The following GMPS variants were observed in gnomAD, a reference collection of about 807,000 sequenced individuals.
GMPS encodes the protein GMP synthase [glutamine-hydrolyzing].
Under a neutral mutation model 77.9 loss-of-function variants are expected in GMPS, and 15 were observed. The observed-to-expected ratio is 0.19, with a 90% CI of 0.13 to 0.30. The LOEUF (loss-of-function observed/expected upper bound fraction) is 0.30. Among genes scored for constraint, GMPS ranks in the 10% least tolerant of loss-of-function variants. The probability of loss-of-function intolerance (pLI) is 1.00; values close to 1 mark genes in which losing one functional copy is unlikely to be tolerated. For synonymous variants in GMPS, 224 were observed against 275.9 expected, an observed-to-expected ratio of 0.81 and a Z score of 1.86; for missense variants, 590 against 838.8, an observed-to-expected ratio of 0.70 and a Z score of 3.66.
intron 1 of GMPS, among the ~76,000 whole-genome samples, chr3:155,886,040 C>CA (rs1754326057): frequency 6.6e-6 from 1 of 151,992 alleles, no homozygotes. Flanking sequence ...AGGCTGGTCT[C>CA]AAACTCCTGG....
At chr3:155,922,404 G>A in intron 11 of GMPS, 102 bp downstream of exon 11, 4 of 534,902 alleles carry the variant, frequency 7.5e-6, no homozygotes, top group East Asian at 3.4e-5. Flanking sequence ...TTGAAAATTT[G>A]GTGTAATATA....
chr3:155,875,947 T>C (rs1026057770), intron 1 of GMPS, among the ~76,000 whole-genome samples: 1 of 152,138 alleles, frequency 6.6e-6, no homozygotes, highest in African/African-American at 2.4e-5. Context: ...ATCTCTAAAC[T>C]GGGGCACATG....
chr3:155,874,246 G>A (rs182588631), intron 1 of GMPS, among the ~76,000 whole-genome samples: 87 of 152,228 alleles, frequency 5.7e-4, no homozygotes, highest in Admixed American at 9.2e-4. Flanking sequence ...CCTGTCTAAG[G>A]GTGAAACTCT....
intron 7 of GMPS, 86 bp from the exon 8 acceptor site, chr3:155,914,333 T>C (rs1755115215): frequency 1.0e-6 from 1 of 974,902 alleles, no homozygotes; most frequent in Admixed American, 2.9e-5. Context: ...GGGAAAGAAA[T>C]AGCTTTTCTT....
chr3:155,908,450 G>A (rs1249101799), intron 5 of GMPS, among the ~76,000 whole-genome samples: 2 of 152,238 alleles, frequency 1.3e-5, no homozygotes, highest in South Asian at 2.1e-4. Flanking sequence ...AAGTGTCTGC[G>A]TGCCTAACTT....
chr3:155,879,729 C>CTTT (rs1234908781), intron 1 of GMPS, among the ~76,000 whole-genome samples: 4 of 68,828 alleles, frequency 5.8e-5, no homozygotes, highest in East Asian at 4.2e-4. Flanking sequence ...TCTTTTTTGC[C>CTTT]CTTTTTTTTT....
intron 1 of GMPS, among the ~76,000 whole-genome samples, chr3:155,875,064 G>A (rs976979444): frequency 6.3e-4 from 96 of 151,626 alleles, no homozygotes; most frequent in African/African-American, 2.2e-3. Flanking sequence ...GATTACAGGC[G>A]TGTGCCACCA....
At chr3:155,918,832 A>ATTTTATCATCT (rs1755249534) in intron 9 of GMPS, among the ~76,000 whole-genome samples, 1 of 152,142 alleles carries the variant, frequency 6.6e-6, no homozygotes, top group Non-Finnish European at 1.5e-5. Context: ...GTCTTTTATC[A>ATTTTATCATCT]GATATACGAC....
At chr3:155,896,032 C>T (rs1376079994) in intron 2 of GMPS, among the ~76,000 whole-genome samples, 15 of 147,372 alleles carry the variant, frequency 1.0e-4, no homozygotes, top group African/African-American at 3.5e-4. Flanking sequence ...TTTTTTGAGA[C>T]GGAGTCTCGC....
chr3:155,913,172 T>C (rs771215942), intron 7 of GMPS, among the ~76,000 whole-genome samples: 2 of 152,244 alleles, frequency 1.3e-5, no homozygotes, highest in Admixed American at 6.5e-5. Context: ...AGAGTAGATA[T>C]GTCTTCTCTG....
At chr3:155,871,566 C>T (rs1308999249) in intron 1 of GMPS, among the ~76,000 whole-genome samples, 8 of 152,216 alleles carry the variant, frequency 5.3e-5, no homozygotes, top group African/African-American at 1.9e-4. Flanking sequence ...GCCCCAGGGT[C>T]GCGCACTCCG....
intron 5 of GMPS, among the ~76,000 whole-genome samples, chr3:155,906,637 TAGCCCATAGC>T (rs1345578937): frequency 1.4e-4 from 21 of 152,218 alleles, no homozygotes; most frequent in Non-Finnish European, 4.4e-5. Context: ...TAGGTGTACA[TAGCCCATAGC>T]ACCCAAATAA....
intron 1 of GMPS, among the ~76,000 whole-genome samples, chr3:155,879,417 G>A (rs1005106869): frequency 2.0e-5 from 3 of 151,632 alleles, no homozygotes; most frequent in East Asian, 1.9e-4. Context: ...ACAGGCATGC[G>A]CCACCACACT....
rs1157326893 is a variant in GMPS at position 155,938,767 on chromosome 3, C to A, written c.*1075C>A. 1 of 209,404 alleles carries A rather than the reference C, an allele frequency of 4.8e-6. No homozygotes were observed. The highest frequency in any genetic ancestry group is 9.7e-6 in the Non-Finnish European group (1 of 102,880). The allele number at this position is 209,404 out of a possible 1,614,324, so 13.0% of individuals were successfully genotyped here. A position where few individuals can be genotyped will look rare whatever the true frequency, so the allele number is the denominator to read the frequency against. On this transcript the variant is annotated 3_prime_UTR_variant, in exon 16 of 16. Coordinates refer to ENST00000496455, the MANE Select transcript of GMPS (RefSeq NM_003875.3). ...TGTTTGCCAAACTTTGTAATCCTTT[C>A]TACTAGCTATAAGAGAGGATTTAAG...
At chr3:155,896,085 C>T (rs1310831179) in intron 2 of GMPS, among the ~76,000 whole-genome samples, 1 of 151,844 alleles carries the variant, frequency 6.6e-6, no homozygotes, top group East Asian at 1.9e-4. Context: ...TCTCTGCTCA[C>T]TGCAAGCTCC....
intron 10 of GMPS, among the ~76,000 whole-genome samples, chr3:155,920,046 T>C (rs572838806): frequency 7.2e-5 from 11 of 152,210 alleles, no homozygotes; most frequent in Non-Finnish European, 1.2e-4. Context: ...TCTTAAGTAC[T>C]TTCTATGTGC....
At chr3:155,927,873 C>T (rs1755496138) in intron 12 of GMPS, among the ~76,000 whole-genome samples, 1 of 152,134 alleles carries the variant, frequency 6.6e-6, no homozygotes, top group African/African-American at 2.4e-5. Flanking sequence ...TTAACTGTTC[C>T]CTCATATTCT....
rs1755031179 is a variant in GMPS at position 155,911,252 on chromosome 3, C to G, written c.859C>G (p.Leu287Val). The change falls in exon 7 of 16, where the codon CTC (leucine) becomes GTC (valine). Residue 287 changes from leucine (L) to valine (V), a missense_variant. Leu to Val is a conservative substitution (Grantham distance 32, BLOSUM62 1). Around this residue, in one of 6 missense-constraint regions of GMPS, gnomAD observed 181 missense variants for 186.8 expected, o/e 0.97. Transcript: ENST00000496455. ...KRESQSVEEA[L>V]KKLGIQVKVI... The stretch of plus-strand genomic sequence containing the variant: ...AGAAAGCCAGTCTGTTGAAGAGGCC[C>G]TCAAAAAGCTTGGAATTCAGGTCAA... The G allele has an allele frequency of 1.2e-6, 2 of 1,608,316 alleles. No individual in the cohort carries two copies. Among genetic ancestry groups the G allele is most frequent in the South Asian group, 2.2e-5 (2 of 89,686 alleles).
chr3:155,919,991 G>A (rs1755277345), intron 10 of GMPS, among the ~76,000 whole-genome samples: 1 of 152,172 alleles, frequency 6.6e-6, no homozygotes, highest in Non-Finnish European at 1.5e-5. Context: ...GATGATTTGG[G>A]AGAATGACCT....
Sources: gnomAD v4.1 joint callset for allele counts (sites outside exome capture counted in the v4.1 genomes callset) on GRCh38, gnomAD v4.1.1 for gene constraint, gnomAD v4.1.1 regional missense constraint, MANE v1.5 for transcripts, NCBI Gene and HGNC (gene_info 2026-07-23, HGNC 2026-07-21) for gene names.